Variants in AUTS2 observed in about 807,000 individuals in gnomAD.
The protein encoded by AUTS2 is autism susceptibility gene 2 protein.
In AUTS2, 17 loss-of-function variants were observed where a neutral mutation model predicts 112.4. The ratio of observed to expected loss-of-function variants is 0.15; its 90% CI spans 0.10 to 0.23. The LOEUF is 0.23. Among genes scored for constraint, AUTS2 ranks in the 10% least tolerant of loss-of-function variants. The pLI, the probability that AUTS2 is intolerant of heterozygous loss-of-function variation, is 1.00. For synonymous variants in AUTS2, 751 were observed against 702.7 expected (o/e 1.07, Z -1.09); for missense variants, 1,510 against 1,701.6 (o/e 0.89, Z 1.98).
At chr7:70,449,018 T>G (rs1170853119) in intron 5 of AUTS2, among the ~76,000 whole-genome samples, 1 of 152,228 alleles carries the variant, frequency 6.6e-6, no homozygotes, top group Non-Finnish European at 1.5e-5. Context: ...TAGAGTTACC[T>G]TTTAAAGACT....
intron 4 of AUTS2, among the ~76,000 whole-genome samples, chr7:70,257,560 C>T (rs752907126): frequency 4.6e-5 from 7 of 151,514 alleles, no homozygotes; most frequent in Non-Finnish European, 7.4e-5. Context: ...TCAAGTGAGC[C>T]GACCGCCTCG....
intron 5 of AUTS2, among the ~76,000 whole-genome samples, chr7:70,496,438 CATCG>C (rs910834977): frequency 2.2e-5 from 3 of 136,790 alleles, no homozygotes; most frequent in African/African-American, 8.5e-5. Context: ...GTCACATCAG[CATCG>C]ATCACACACA....
chr7:69,716,521 C>T (rs968530004), intron 1 of AUTS2, among the ~76,000 whole-genome samples: 2 of 152,118 alleles, frequency 1.3e-5, no homozygotes, highest in Non-Finnish European at 2.9e-5. Context: ...TTACTTCTGA[C>T]ACTAGATGTG....
intron 3 of AUTS2, among the ~76,000 whole-genome samples, chr7:70,131,849 C>A (rs186890446): frequency 2.5e-3 from 381 of 152,094 alleles, no homozygotes; most frequent in Non-Finnish European, 4.6e-3. Flanking sequence ...GTTACCAATA[C>A]TTTAATGGTG....
At chr7:70,711,319 C>G (rs1810039587) in intron 6 of AUTS2, among the ~76,000 whole-genome samples, 1 of 152,210 alleles carries the variant, frequency 6.6e-6, no homozygotes, top group Non-Finnish European at 1.5e-5. Context: ...TCCGAGCCCT[C>G]TCAGCATCCT....
At chr7:70,388,058 C>T (rs906940307) in intron 4 of AUTS2, among the ~76,000 whole-genome samples, 5 of 152,164 alleles carry the variant, frequency 3.3e-5, no homozygotes, top group Admixed American at 2.6e-4. Flanking sequence ...CTTTCACCTC[C>T]ACAATTTCTC....
chr7:70,421,522 C>T (rs1415557163), intron 4 of AUTS2, among the ~76,000 whole-genome samples: 1 of 152,144 alleles, frequency 6.6e-6, no homozygotes, highest in African/African-American at 2.4e-5. Flanking sequence ...GGTGTTGTGA[C>T]TGAAGGCCAG....
At position 70,694,061 on chromosome 7, in the gene AUTS2, G is replaced by C. The variant is rs1264679171; in HGVS notation, c.691-4508G>C. 6.6e-6 allele frequency: 1 copy of C among 151,592 alleles called. No homozygotes were observed. Among genetic ancestry groups the C allele is most frequent in the Non-Finnish European group, 1.5e-5 (1 of 67,840 alleles). The allele number at this position is 151,592 out of a possible 1,614,324, so 9.4% of individuals were successfully genotyped here. A position where few individuals can be genotyped will look rare whatever the true frequency, so the allele number is the denominator to read the frequency against. On this transcript the variant is annotated intron_variant, in intron 5 of 18. Coordinates refer to ENST00000342771, the MANE Select transcript of AUTS2 (RefSeq NM_015570.4). This position sits in a 1 kb window ranked among gnomAD's most constrained non-coding sequence, Gnocchi z 4.1. ...GGAAGTCCCGCTCCGAGAGCTGCGA[G>C]CGTCTGGAGGAGGCGCGCTCGGCGC... is the stretch of plus-strand genomic sequence containing the variant.
At chr7:69,618,175 C>T (rs1401427514) in intron 1 of AUTS2, among the ~76,000 whole-genome samples, 1 of 152,150 alleles carries the variant, frequency 6.6e-6, no homozygotes, top group African/African-American at 2.4e-5. Context: ...CTGCACTGAG[C>T]CTCTGACAAA....
At chr7:69,925,709 A>G (rs1414391173) in intron 2 of AUTS2, among the ~76,000 whole-genome samples, 2 of 152,188 alleles carry the variant, frequency 1.3e-5, no homozygotes, top group African/African-American at 2.4e-5. Context: ...TTGTAGAGAT[A>G]GTGTCTTACT....
In AUTS2 at chr7:69,895,551, C is replaced by A. The variant is rs1021941271; in HGVS notation, c.310-3735C>A. ...TCCTCTCTCTCTCTTCTTCCCCCCC[C>A]CCGAGTGGAAAATCTCAATATTAAT... is the stretch of plus-strand genomic sequence containing the variant. On this transcript the variant is annotated intron_variant, in intron 1 of 18. Coordinates refer to ENST00000342771, the MANE Select transcript of AUTS2 (RefSeq NM_015570.4). Among the ~76,000 whole-genome samples, 26 of 147,542 alleles carry A rather than the reference C, an allele frequency of 1.8e-4. 1 individual carries two copies. Among genetic ancestry groups the A allele is most frequent in the East Asian group, 8.5e-4 (4 of 4,686 alleles).
At chr7:70,674,342 T>G (rs1390052772) in intron 5 of AUTS2, among the ~76,000 whole-genome samples, 1 of 152,208 alleles carries the variant, frequency 6.6e-6, no homozygotes, top group Non-Finnish European at 1.5e-5. Context: ...TAACTACATG[T>G]CTCAGAAATC....
chr7:69,674,219 CA>C (rs1021562377), intron 1 of AUTS2, among the ~76,000 whole-genome samples: 2 of 152,186 alleles, frequency 1.3e-5, no homozygotes, highest in East Asian at 3.9e-4. Context: ...ATGTAACAGA[CA>C]AAAAAGCAAT....
chr7:70,568,076 G>C (rs1801779342), intron 5 of AUTS2, among the ~76,000 whole-genome samples: 1 of 152,218 alleles, frequency 6.6e-6, no homozygotes, highest in African/African-American at 2.4e-5. Flanking sequence ...CGGAGTCATA[G>C]AGCCATCGGA....
intron 1 of AUTS2, among the ~76,000 whole-genome samples, chr7:69,898,645 C>A (rs1000558352): frequency 6.6e-6 from 1 of 152,150 alleles, no homozygotes; most frequent in Non-Finnish European, 1.5e-5. Flanking sequence ...TCCTACCCAC[C>A]TCCCCTCATC....
At chr7:69,725,938 G>A (rs553827580) in intron 1 of AUTS2, among the ~76,000 whole-genome samples, 1 of 152,214 alleles carries the variant, frequency 6.6e-6, no homozygotes, top group South Asian at 2.1e-4. Context: ...AGAAATCATT[G>A]TGATGCAGGA....
chr7:69,773,677 C>T (rs894161025), intron 1 of AUTS2, among the ~76,000 whole-genome samples: 1 of 152,144 alleles, frequency 6.6e-6, no homozygotes, highest in African/African-American at 2.4e-5. Context: ...GGCGGTGCTT[C>T]AGTTCCTCTG....
intron 5 of AUTS2, among the ~76,000 whole-genome samples, chr7:70,439,665 C>A: frequency 6.6e-6 from 1 of 152,000 alleles, no homozygotes; most frequent in South Asian, 2.1e-4. Flanking sequence ...CAGCACTTGG[C>A]ACCCTTAATC....
intron 1 of AUTS2, among the ~76,000 whole-genome samples, chr7:69,880,985 A>G (rs1326997681): frequency 6.6e-6 from 1 of 152,222 alleles, no homozygotes; most frequent in African/African-American, 2.4e-5. Flanking sequence ...AGGTTGGATT[A>G]TAAAGACGTA....
Sources: allele counts gnomAD v4.1 joint callset (sites outside exome capture counted in the v4.1 genomes callset), GRCh38; gene constraint gnomAD v4.1.1; non-coding constraint Gnocchi (gnomAD v3.1); transcripts MANE v1.5; gene names NCBI Gene and HGNC (gene_info 2026-07-23, HGNC 2026-07-21).